Variants in MME observed in about 807,000 individuals in gnomAD.
MME encodes neprilysin.
MME carries 98 observed loss-of-function variants against 113.2 expected under a neutral mutation model. That is an observed-to-expected ratio of 0.87 (90% CI 0.74 to 1.02). The LOEUF (loss-of-function observed/expected upper bound fraction) is 1.02. MME is among the 50% of genes least tolerant of loss of function. The pLI, the probability that MME is intolerant of heterozygous loss-of-function variation, is 0.00. For missense variants in MME, 836 were observed against 896.0 expected, an observed-to-expected ratio of 0.93 and a Z score of 0.86; for synonymous variants, 292 against 300.6, an observed-to-expected ratio of 0.97 and a Z score of 0.30.
rs188897656 is a variant in MME, at chr3:155,038,958, C to T, written c.-11+14634C>T. ...CTGTGATATTCATTCTCATTATTCT[C>T]CTCCATTTGAGCATTGTGTGGAGGA... On this transcript the variant is annotated intron_variant, in intron 1 of 22. Coordinates refer to the MME transcript ENST00000492661. 1.8e-3 allele frequency among the ~76,000 whole-genome samples: 273 copies of T among 152,270 alleles called. 1 individual carries two copies. The highest frequency in any genetic ancestry group is 2.7e-3 in the South Asian group (13 of 4,824).
At chr3:155,179,850 A>G (rs539431091) in intron 22 of MME, among the ~76,000 whole-genome samples, 1 of 152,316 alleles carries the variant, frequency 6.6e-6, no homozygotes, top group African/African-American at 2.4e-5. Flanking sequence ...AAAGGAAAAT[A>G]ATCCTCTATA....
chr3:155,134,424 G>T (rs958400794), intron 8 of MME, among the ~76,000 whole-genome samples: 1 of 152,058 alleles, frequency 6.6e-6, no homozygotes, highest in Non-Finnish European at 1.5e-5. Context: ...ATTCACTTAG[G>T]ATAATGACCT....
At chr3:155,168,221 A>C (rs1464048957) in intron 18 of MME, among the ~76,000 whole-genome samples, 1 of 152,212 alleles carries the variant, frequency 6.6e-6, no homozygotes, top group Non-Finnish European at 1.5e-5. Flanking sequence ...GCATAACTTC[A>C]AGAATATTTT....
Position 155,181,734 on chromosome 3 carries a change from T to C in MME, c.*1275T>C, listed in dbSNP as rs1277808285. 1.3e-5 allele frequency: 2 copies of C among 152,138 alleles called. No homozygotes were observed. The highest frequency in any genetic ancestry group is 4.8e-5 in the African/African-American group (2 of 41,444). 9.4% of individuals were successfully genotyped at this position (152,138 alleles called of 1,614,324 possible). A position where few individuals can be genotyped will look rare whatever the true frequency, so the allele number is the denominator to read the frequency against. ...TACTGCTTGATAGGAATTCATCTTT[T>C]GAGGCTTCTGTTCCTCTCTTTTCCT... On this transcript the variant is annotated 3_prime_UTR_variant, in exon 23 of 23. Coordinates refer to ENST00000360490, the MANE Select transcript of MME (RefSeq NM_007289.4).
chr3:155,128,129 G>A (rs1719836324), intron 8 of MME, among the ~76,000 whole-genome samples: 1 of 152,184 alleles, frequency 6.6e-6, no homozygotes, highest in South Asian at 2.1e-4. Context: ...CAGTGGAAGG[G>A]AGTTGCATAA....
intron 1 of MME, among the ~76,000 whole-genome samples, chr3:155,045,191 G>A (rs1000106615): frequency 2.0e-5 from 3 of 147,246 alleles, no homozygotes; most frequent in Non-Finnish European, 3.0e-5. Context: ...TCGCTCTGTC[G>A]CCAGGCTGGA....
Position 155,141,879 on chromosome 3 carries a change from G to A in MME, c.958-112G>A, listed in dbSNP as rs990572851. 6.1e-6 allele frequency: 7 copies of A among 1,144,790 alleles called. No homozygotes were observed. The African/African-American group carries it at 9.3e-5, about 15-fold the overall frequency. 70.9% of individuals were successfully genotyped at this position (1,144,790 alleles called of 1,614,324 possible). A position where few individuals can be genotyped will look rare whatever the true frequency, so the allele number is the denominator to read the frequency against. On this transcript the variant is annotated intron_variant, in intron 10 of 22. Coordinates refer to ENST00000360490, the MANE Select transcript of MME (RefSeq NM_007289.4). ...TTAAAAACTGATTGAAACAATTGAGGAAGAATCCCAAGTGAATATCAAACT... is the reference window on the plus strand; with the variant it reads ...TTAAAAACTGATTGAAACAATTGAGAAAGAATCCCAAGTGAATATCAAACT...
intron 16 of MME, chr3:155,158,646 G>A (rs570304512): frequency 8.6e-5 from 13 of 151,956 alleles, no homozygotes; most frequent in Middle Eastern, 3.4e-3. Flanking sequence ...TCACGTCAAC[G>A]CAATCTATTT....
rs1721124713 is a variant in MME, at chr3:155,141,979, G to A, written c.958-12G>A. The A allele has an allele frequency of 6.2e-7, 1 of 1,613,362 alleles. No homozygotes were observed. Among genetic ancestry groups the A allele is most frequent in the Non-Finnish European group, 8.5e-7 (1 of 1,179,550 alleles). Reference sequence around the variant, plus strand: ...CACAATTTCTGAATGTTTCATGCCTGCTTTTTTCCAGCCATTCAGCTGGTT... The same window carrying A: ...CACAATTTCTGAATGTTTCATGCCTACTTTTTTCCAGCCATTCAGCTGGTT... On this transcript the variant is annotated splice_polypyrimidine_tract_variant and intron_variant, in intron 10 of 22. Coordinates refer to ENST00000360490, the MANE Select transcript of MME (RefSeq NM_007289.4).
chr3:155,084,854 ATAATC>A (rs1559906978), intron 2 of MME, among the ~76,000 whole-genome samples, 200 bp from the exon 3 acceptor site: 2 of 152,204 alleles, frequency 1.3e-5, no homozygotes, highest in Non-Finnish European at 2.9e-5. Context: ...ATTTTTCTTC[ATAATC>A]AAAATTTTAA....
intron 15 of MME, among the ~76,000 whole-genome samples, chr3:155,148,020 CA>C (rs1367674122): frequency 6.6e-6 from 1 of 152,166 alleles, no homozygotes; most frequent in Non-Finnish European, 1.5e-5. Context: ...GACTCAAAAC[CA>C]AGTTCCTTGA....
chr3:155,081,209 G>T (rs979903142), intron 1 of MME: 2 of 152,180 alleles, frequency 1.3e-5, no homozygotes, highest in African/African-American at 4.8e-5. Context: ...GCAGATATAA[G>T]TTAATGTTAT....
intron 1 of MME, among the ~76,000 whole-genome samples, chr3:155,032,609 T>C (rs911032286): frequency 1.3e-5 from 2 of 152,208 alleles, no homozygotes; most frequent in African/African-American, 4.8e-5. Flanking sequence ...GCCCACTGGC[T>C]CTGGCAAGGT....
chr3:155,166,868 AC>A (rs1281117179), intron 17 of MME, 33 bp from the exon 18 acceptor site: 2 of 1,613,152 alleles, frequency 1.2e-6, no homozygotes, highest in African/African-American at 2.7e-5. Flanking sequence ...AACTTATGCC[AC>A]AAATAATCTC....
At chr3:155,144,183 T>A (rs1208286589) in intron 13 of MME, among the ~76,000 whole-genome samples, 176 bp from the exon 14 acceptor site, 1 of 152,188 alleles carries the variant, frequency 6.6e-6, no homozygotes, top group African/African-American at 2.4e-5. Context: ...AATAGCAATA[T>A]TGCTTTTAAA....
chr3:155,099,034 A>G (rs1716985928), intron 3 of MME, among the ~76,000 whole-genome samples: 1 of 152,144 alleles, frequency 6.6e-6, no homozygotes, highest in African/African-American at 2.4e-5. Flanking sequence ...AGTGGACAGT[A>G]AGGATTTGGC....
rs1057470052 is a variant in MME at position 155,143,440 on chromosome 3, T to C, written c.1189-3T>C. ...AATGCCATTTCCTTTTTCTTTTCCG[T>C]AGGCCCTTTATGGTACAACCTCAGA... On this transcript the variant is annotated splice_region_variant and splice_polypyrimidine_tract_variant and intron_variant, in intron 12 of 22. Coordinates refer to ENST00000360490, the MANE Select transcript of MME (RefSeq NM_007289.4). The C allele has an allele frequency of 1.2e-6, 2 of 1,611,644 alleles. No homozygotes were observed. Among genetic ancestry groups the C allele is most frequent in the Admixed American group, 1.7e-5 (1 of 59,912 alleles).
chr3:155,099,090 TG>T (rs1169938550), intron 3 of MME, among the ~76,000 whole-genome samples: 1 of 152,160 alleles, frequency 6.6e-6, no homozygotes, highest in Non-Finnish European at 1.5e-5. Flanking sequence ...TTTTCCATGT[TG>T]GGGCAAGGTG....
chr3:155,097,275 A>G lies in MME; in HGVS notation c.196+12181A>G, dbSNP rs574032872. Among the ~76,000 whole-genome samples the G allele has an allele frequency of 5.2e-4, 79 of 152,344 alleles. 1 individual carries two copies. In the South Asian group the frequency reaches 0.015, roughly 30 times the overall value. On this transcript the variant is annotated intron_variant, in intron 3 of 22. Transcript: ENST00000360490. ...GTGGATGATATGGTTGAGATTTCTT[A>G]GGGAGGAAATGGAGAAGAGAACCCA...
Sources: gnomAD v4.1 joint callset for allele counts (sites outside exome capture counted in the v4.1 genomes callset) on GRCh38, gnomAD v4.1.1 for gene constraint, MANE v1.5 for transcripts, NCBI Gene and HGNC (gene_info 2026-07-23, HGNC 2026-07-21) for gene names.